The following ABL1 variants were observed in gnomAD, a reference collection of about 807,000 sequenced individuals.
ABL1 encodes tyrosine-protein kinase ABL1.
A neutral mutation model predicts 94.7 loss-of-function variants in ABL1; 11 were observed. The ratio of observed to expected loss-of-function variants is 0.12; its 90% CI spans 0.07 to 0.19. ABL1 has a LOEUF of 0.19. Ranked by LOEUF, ABL1 falls within the 10% of genes least tolerant of loss-of-function variation. The probability of loss-of-function intolerance (pLI) is 1.00; values close to 1 mark genes in which losing one functional copy is unlikely to be tolerated. For synonymous variants in ABL1, 656 were observed against 622.4 expected, an observed-to-expected ratio of 1.05 and a Z score of -0.80; for missense variants, 1,082 against 1,489.4, an observed-to-expected ratio of 0.73 and a Z score of 4.50.
At chr9:130,753,214 G>A (rs1166460690) in intron 1 of ABL1, among the ~76,000 whole-genome samples, 3 of 151,682 alleles carry the variant, frequency 2.0e-5, no homozygotes, top group African/African-American at 7.3e-5. Context: ...CCAAGATCGC[G>A]CCACTGCACT....
chr9:130,811,742 C>T (rs1018990646), intron 1 of ABL1, among the ~76,000 whole-genome samples: 1 of 151,588 alleles, frequency 6.6e-6, no homozygotes, highest in Non-Finnish European at 1.5e-5. Flanking sequence ...AACTTTGTCT[C>T]TACTAAAAAT....
rs121913448 is a variant in ABL1, at chr9:130,862,976, G to A, written c.763G>A (p.Glu255Lys). 6.2e-7 allele frequency: 1 copy of A among 1,614,146 alleles called. No individual in the cohort carries two copies. Among genetic ancestry groups the A allele is most frequent in the Non-Finnish European group, 8.5e-7 (1 of 1,180,006 alleles). ...KHKLGGGQYG[E>K]VYEGVWKKYS... Reference sequence around the variant, plus strand: ...CAAGCTGGGCGGGGGCCAGTACGGGGAGGTGTACGAGGGCGTGTGGAAGAA... The same window carrying A: ...CAAGCTGGGCGGGGGCCAGTACGGGAAGGTGTACGAGGGCGTGTGGAAGAA... The change falls in exon 4 of 11, where the codon GAG becomes AAG. Residue 255 changes from glutamate to lysine, a missense_variant. Glu to Lys is a moderately conservative substitution (Grantham distance 56, BLOSUM62 1). Coordinates refer to ENST00000318560, the MANE Select transcript of ABL1 (RefSeq NM_005157.6). This position sits in a 1 kb window ranked among gnomAD's most constrained non-coding sequence, Gnocchi z 5.5.
intron 1 of ABL1, among the ~76,000 whole-genome samples, chr9:130,842,959 T>C (rs1830698862): frequency 6.6e-6 from 1 of 152,220 alleles, no homozygotes; most frequent in South Asian, 2.1e-4. Flanking sequence ...ATTATACCTT[T>C]AGGATTTTGG....
intron 3 of ABL1, among the ~76,000 whole-genome samples, chr9:130,855,939 G>A (rs1830966901): frequency 6.6e-6 from 1 of 151,948 alleles, no homozygotes; most frequent in Non-Finnish European, 1.5e-5. Context: ...TTTTTGAGAT[G>A]GAGTCTTGCC....
chr9:130,750,192 CATATATATATATAT>C (rs56263750), intron 1 of ABL1, among the ~76,000 whole-genome samples: 1,717 of 106,410 alleles, frequency 0.016, 36 homozygotes, highest in African/African-American at 0.027. Flanking sequence ...AAAAAAAATA[CATATATATATATAT>C]ATATATATAT....
chr9:130,722,673 T>C (rs754534395), intron 1 of ABL1, among the ~76,000 whole-genome samples: 4 of 152,194 alleles, frequency 2.6e-5, no homozygotes, highest in Non-Finnish European at 5.9e-5. Flanking sequence ...ACATTTTTTA[T>C]AAGCATTCAG....
chr9:130,852,932 G>A (rs948381935), intron 1 of ABL1, among the ~76,000 whole-genome samples: 1 of 150,536 alleles, frequency 6.6e-6, no homozygotes, highest in African/African-American at 2.5e-5. Flanking sequence ...GGAAGGACGG[G>A]TGGGGTGTGT....
intron 1 of ABL1, among the ~76,000 whole-genome samples, chr9:130,841,826 G>A (rs535726041): frequency 6.6e-6 from 1 of 151,944 alleles, no homozygotes; most frequent in Admixed American, 6.6e-5. Flanking sequence ...AAAAAAGTTG[G>A]TTTTCAAATC....
At chr9:130,796,779 A>G (rs575150044) in intron 1 of ABL1, among the ~76,000 whole-genome samples, 2 of 151,862 alleles carry the variant, frequency 1.3e-5, no homozygotes, top group South Asian at 4.2e-4. Flanking sequence ...AAAAAAAACA[A>G]AAAAACTTTT....
intron 1 of ABL1, among the ~76,000 whole-genome samples, chr9:130,829,646 C>T (rs1313595217): frequency 1.3e-5 from 2 of 149,732 alleles, no homozygotes; most frequent in Non-Finnish European, 3.0e-5. Flanking sequence ...AGATGTTTGA[C>T]AGATCTTTGA....
chr9:130,734,880 A>G (rs1831714902), intron 1 of ABL1, among the ~76,000 whole-genome samples: 1 of 152,092 alleles, frequency 6.6e-6, no homozygotes, highest in Non-Finnish European at 1.5e-5. Context: ...GTGTGTAACA[A>G]ACATACCTTA....
chr9:130,832,896 T>C (rs1830509345), upstream of ABL1, among the ~76,000 whole-genome samples: 1 of 152,232 alleles, frequency 6.6e-6, no homozygotes. Flanking sequence ...AGGCCAGGTT[T>C]GATACAGAAG....
At chr9:130,857,058 G>A (rs755539579) in intron 3 of ABL1, among the ~76,000 whole-genome samples, 3 of 152,086 alleles carry the variant, frequency 2.0e-5, no homozygotes, top group Non-Finnish European at 4.4e-5. Context: ...TGTATGTAAC[G>A]CACTCTGATA....
upstream of ABL1, chr9:130,835,215 G>A (rs549037029): frequency 6.4e-6 from 1 of 155,446 alleles, no homozygotes; most frequent in South Asian, 1.6e-4. The surrounding 1 kb of genome is among the most constrained non-coding windows in gnomAD (Gnocchi z 4.6). Context: ...CGGCGGCGGG[G>A]CGGGGGCGGG....
At chr9:130,824,875 A>C (rs1329397431) in intron 1 of ABL1, among the ~76,000 whole-genome samples, 1 of 152,214 alleles carries the variant, frequency 6.6e-6, no homozygotes, top group African/African-American at 2.4e-5. Context: ...GAAAAAGAGC[A>C]GTTCCGTTTA....
chr9:130,740,680 A>G (rs1831804888), intron 1 of ABL1, among the ~76,000 whole-genome samples: 1 of 152,090 alleles, frequency 6.6e-6, no homozygotes, highest in Admixed American at 6.6e-5. Flanking sequence ...TTTTGAGTCA[A>G]GGTCTTGCTC....
chr9:130,850,362 C>T (rs750057414), intron 1 of ABL1, among the ~76,000 whole-genome samples: 4 of 152,040 alleles, frequency 2.6e-5, no homozygotes, highest in Non-Finnish European at 5.9e-5. Context: ...ATCTAGAAAG[C>T]TTTGACAGTG....
chr9:130,859,964 C>A (rs998448945), intron 3 of ABL1, among the ~76,000 whole-genome samples: 4 of 152,112 alleles, frequency 2.6e-5, no homozygotes, highest in African/African-American at 9.7e-5. Flanking sequence ...CAGGCGTGAG[C>A]CACTGCTCCT....
rs191702595 is a variant in ABL1, at chr9:130,797,110, C to T, written c.137-56954C>T. ...AATTAGCCAGGCACGGTGGCAAGCG[C>T]CTGTAATCCCAGCTACTTGGAAGGG... is the stretch of plus-strand genomic sequence containing the variant. On this transcript the variant is annotated intron_variant, in intron 1 of 10. Coordinates refer to the ABL1 transcript ENST00000372348. Among the ~76,000 whole-genome samples, 99 of 151,066 alleles carry T rather than the reference C, an allele frequency of 6.6e-4. 1 individual carries two copies. Among genetic ancestry groups the T allele is most frequent in the Admixed American group, 6.5e-3 (99 of 15,158 alleles).
Sources: gnomAD v4.1 joint callset for allele counts (sites outside exome capture counted in the v4.1 genomes callset) on GRCh38, gnomAD v4.1.1 for gene constraint, Gnocchi (gnomAD v3.1) non-coding constraint, MANE v1.5 for transcripts, NCBI Gene and HGNC (gene_info 2026-07-23, HGNC 2026-07-21) for gene names.